PPARGC1B: variants seen among roughly 807,000 people sequenced by gnomAD.
PPARGC1B encodes the protein PPARG coactivator 1 beta, also known as peroxisome proliferator-activated receptor gamma coactivator 1-beta.
A neutral mutation model predicts 101.6 loss-of-function variants in PPARGC1B; 34 were observed. The ratio of observed to expected loss-of-function variants is 0.33; its 90% CI spans 0.25 to 0.45. The LOEUF (loss-of-function observed/expected upper bound fraction) is 0.45, where lower values mean the gene tolerates loss of function less well. Ranked by LOEUF, PPARGC1B falls within the 20% of genes least tolerant of loss-of-function variation. PPARGC1B has a pLI of 1.00. For missense variants in PPARGC1B, 1,234 were observed against 1,317.6 expected (o/e 0.94, Z 0.98); for synonymous variants, 548 against 539.3 (o/e 1.02, Z -0.22).
chr5:149,741,502 C>T (rs538463235), intron 1 of PPARGC1B, among the ~76,000 whole-genome samples: 1 of 152,358 alleles, frequency 6.6e-6, no homozygotes, highest in South Asian at 2.1e-4. Flanking sequence ...CAGAAGCAGA[C>T]TACTGGGTAT....
chr5:149,781,023 G>C (rs190699497), intron 1 of PPARGC1B, among the ~76,000 whole-genome samples: 1 of 152,172 alleles, frequency 6.6e-6, no homozygotes, highest in African/African-American at 2.4e-5. Context: ...GGCCAACATG[G>C]TGAAACCCCC....
intron 1 of PPARGC1B, among the ~76,000 whole-genome samples, chr5:149,798,875 G>GA (rs750871219): frequency 3.3e-5 from 5 of 152,198 alleles, no homozygotes; most frequent in Non-Finnish European, 7.3e-5. Context: ...TGGCACAAAA[G>GA]AGAGGCTCAG....
At chr5:149,788,434 T>C (rs917216955) in intron 1 of PPARGC1B, among the ~76,000 whole-genome samples, 3 of 152,174 alleles carry the variant, frequency 2.0e-5, no homozygotes, top group Non-Finnish European at 4.4e-5. Flanking sequence ...CAACAGGTGC[T>C]GGAGAGGATG....
In PPARGC1B at chr5:149,850,478, C is replaced by T. The variant is rs1468220690; in HGVS notation, c.*2920C>T. The T allele has an allele frequency of 6.6e-6, 1 of 152,176 alleles. No individual in the cohort carries two copies. Among genetic ancestry groups the T allele is most frequent in the Non-Finnish European group, 1.5e-5 (1 of 68,036 alleles). The allele number at this position is 152,176 out of a possible 1,614,324, so 9.4% of individuals were successfully genotyped here. A position where few individuals can be genotyped will look rare whatever the true frequency, so the allele number is the denominator to read the frequency against. On this transcript the variant is annotated 3_prime_UTR_variant, in exon 12 of 12. Coordinates refer to ENST00000309241, the MANE Select transcript of PPARGC1B (RefSeq NM_133263.4). ...ATCGAGTAGTCTCTACTTGCTATCCCGTACATAAAATGCTACAAGTTCTAA... is the reference window on the plus strand; with the variant it reads ...ATCGAGTAGTCTCTACTTGCTATCCTGTACATAAAATGCTACAAGTTCTAA...
intron 1 of PPARGC1B, among the ~76,000 whole-genome samples, chr5:149,755,597 GTTATTATTATTATTATTGTTA>G (rs1423650862): frequency 1.6e-5 from 2 of 122,502 alleles, no homozygotes; most frequent in Admixed American, 9.2e-5. Context: ...TGTTGTTGTT[GTTATTATTATTATTATTGTTA>G]TTATTATTAT....
intron 1 of PPARGC1B, among the ~76,000 whole-genome samples, chr5:149,810,088 A>G (rs1757795320): frequency 6.6e-6 from 1 of 152,202 alleles, no homozygotes; most frequent in Non-Finnish European, 1.5e-5. Context: ...CTAGCAAGTT[A>G]TGAGCCAGGG....
intron 1 of PPARGC1B, among the ~76,000 whole-genome samples, chr5:149,736,232 T>A (rs1466520769): frequency 1.3e-5 from 2 of 152,222 alleles, no homozygotes; most frequent in East Asian, 3.8e-4. Flanking sequence ...ATAGGCCCTC[T>A]CGATTGGGAG....
intron 1 of PPARGC1B, among the ~76,000 whole-genome samples, chr5:149,819,499 T>G (rs1758192437): frequency 6.6e-6 from 1 of 150,854 alleles, no homozygotes; most frequent in Admixed American, 6.6e-5. Context: ...TTTTTGTTTT[T>G]TTTTGTTTGT....
At position 149,824,358 on chromosome 5, in the gene PPARGC1B, A is replaced by G. The variant is rs1758421381; in HGVS notation, c.253-2315A>G. 3.9e-5 allele frequency among the ~76,000 whole-genome samples: 6 copies of G among 152,180 alleles called. No homozygotes were observed. The South Asian group carries it at 1.2e-3, about 32-fold the overall frequency. ...TGAACTTAGCCTCCCGCCATTGTTC[A>G]TTGTTTGGTTCATTCACTCTTTCAT... On this transcript the variant is annotated intron_variant, in intron 2 of 11. Transcript: ENST00000309241.
intron 2 of PPARGC1B, 100 bp from the exon 3 acceptor site, chr5:149,826,573 G>C (rs982787215): frequency 2.6e-5 from 24 of 925,402 alleles, no homozygotes; most frequent in Admixed American, 3.7e-5. Context: ...TGGGCCAGCT[G>C]GCTGGGCAGA....
intron 1 of PPARGC1B, among the ~76,000 whole-genome samples, chr5:149,755,849 G>A (rs986744929): frequency 1.8e-4 from 28 of 151,912 alleles, no homozygotes; most frequent in African/African-American, 6.5e-4. Context: ...TCACCATGTT[G>A]GGCAGGCTGG....
At chr5:149,738,207 G>A (rs1233490518) in intron 1 of PPARGC1B, among the ~76,000 whole-genome samples, 1 of 151,456 alleles carries the variant, frequency 6.6e-6, no homozygotes, top group African/African-American at 2.4e-5. Flanking sequence ...TCACCATAAT[G>A]AATAGATCAG....
At chr5:149,804,123 C>T (rs945644102) in intron 1 of PPARGC1B, among the ~76,000 whole-genome samples, 15 of 152,316 alleles carry the variant, frequency 9.8e-5, no homozygotes, top group South Asian at 4.1e-4. Context: ...CCTCAACCCC[C>T]GGTAAAGGGG....
At chr5:149,826,571 C>G (rs567361682) in intron 2 of PPARGC1B, 102 bp from the exon 3 acceptor site, 80 of 912,004 alleles carry the variant, frequency 8.8e-5, no homozygotes, top group South Asian at 2.4e-4. Flanking sequence ...GGTGGGCCAG[C>G]TGGCTGGGCA....
chr5:149,795,531 C>T (rs1355422803), intron 1 of PPARGC1B, among the ~76,000 whole-genome samples: 2 of 152,154 alleles, frequency 1.3e-5, no homozygotes, highest in African/African-American at 4.8e-5. Context: ...AGATTAGAGG[C>T]CTGGAAAAGG....
rs199533471 is a variant in PPARGC1B at position 149,833,103 on chromosome 5, A to T, written c.1030A>T (p.Arg344Trp). The T allele has an allele frequency of 9.9e-6, 16 of 1,613,722 alleles. No individual in the cohort carries two copies. Among genetic ancestry groups the T allele is most frequent in the Non-Finnish European group, 2.5e-6 (3 of 1,180,038 alleles). Residue 344 changes from arginine (R) to tryptophan (W), a missense_variant, in exon 5 of 12, where the codon AGG (arginine) becomes TGG (tryptophan). Around this residue, in one of 3 missense-constraint regions of PPARGC1B, gnomAD observed 734 missense variants for 768.4 expected, o/e 0.96. Transcript: ENST00000309241. The surrounding 1 kb of genome is among the most constrained non-coding windows in gnomAD (Gnocchi z 4.1). ...KASWAEFSIL[R>W]ELLAQDVLCD... ...CTCCTGGGCTGAGTTCTCCATTCTG[A>T]GGGAACTTCTGGCTCAAGACGTGCT...
chr5:149,806,980 A>G (rs1326179721), intron 1 of PPARGC1B, among the ~76,000 whole-genome samples: 2 of 150,994 alleles, frequency 1.3e-5, no homozygotes, highest in African/African-American at 2.4e-5. Flanking sequence ...TTTTTGAGAC[A>G]GGGTCTTGCT....
At position 149,833,354 on chromosome 5, in the gene PPARGC1B, G is replaced by C. The variant is rs1758891101; in HGVS notation, c.1281G>C (p.Gln427His). 6.2e-7 allele frequency: 1 copy of C among 1,613,374 alleles called. No individual in the cohort carries two copies. The highest frequency in any genetic ancestry group is 1.1e-5 in the South Asian group (1 of 91,078). Residue 427 changes from glutamine to histidine, a missense_variant, in exon 5 of 12, where the codon CAG becomes CAC. Gln to His is a conservative substitution (Grantham distance 24). Coordinates refer to ENST00000309241, the MANE Select transcript of PPARGC1B (RefSeq NM_133263.4). This position sits in a 1 kb window ranked among gnomAD's most constrained non-coding sequence, Gnocchi z 4.1. ...AGGTCCGCCGGCCTGCCAGACTGCA[G>C]CAGCAGGAGGAGGAAGACGAGGAAG... ...KREVRRPARL[Q>H]QQEEEDEEEE...
At chr5:149,754,341 A>G (rs1164863159) in intron 1 of PPARGC1B, among the ~76,000 whole-genome samples, 3 of 151,946 alleles carry the variant, frequency 2.0e-5, no homozygotes, top group Non-Finnish European at 4.4e-5. Context: ...CTCCGTTTGG[A>G]GGAGGATGCC....
Sources: gnomAD v4.1 joint callset for allele counts (sites outside exome capture counted in the v4.1 genomes callset) on GRCh38, gnomAD v4.1.1 for gene constraint, gnomAD v4.1.1 regional missense constraint, Gnocchi (gnomAD v3.1) non-coding constraint, MANE v1.5 for transcripts, NCBI Gene and HGNC (gene_info 2026-07-23, HGNC 2026-07-21) for gene names.